Variants in TLN2 observed in about 807,000 individuals in gnomAD.
TLN2 encodes talin 2.
TLN2 carries 118 observed loss-of-function variants against 294.7 expected under a neutral mutation model. The observed-to-expected ratio is 0.40, with a 90% confidence interval of 0.34 to 0.47. The LOEUF (loss-of-function observed/expected upper bound fraction) is 0.47. TLN2 is among the 20% of genes least tolerant of loss of function. The probability of loss-of-function intolerance (pLI) is 0.84; values close to 1 mark genes in which losing one functional copy is unlikely to be tolerated. For missense variants in TLN2, 3,083 were observed against 3,282.2 expected (o/e 0.94, Z 1.48); for synonymous variants, 1,431 against 1,304.5 (o/e 1.10, Z -2.09).
intron 1 of TLN2, among the ~76,000 whole-genome samples, chr15:62,460,570 C>T (rs2036744214): frequency 6.6e-6 from 1 of 152,286 alleles, no homozygotes; most frequent in South Asian, 2.1e-4. Context: ...GCACTAGCCA[C>T]GTGGTCTTGT....
chr15:62,676,676 G>A (rs7174535), intron 11 of TLN2, among the ~76,000 whole-genome samples: 5,023 of 152,184 alleles, frequency 0.033, 275 homozygotes, highest in African/African-American at 0.11. Flanking sequence ...GTGCAGTGGC[G>A]CGATCGTGGC....
At position 62,588,691 on chromosome 15, in the gene TLN2, TATA is replaced by T. The variant is rs1567150806; in HGVS notation, c.-237-995_-237-993del. Among the ~76,000 whole-genome samples the T allele has an allele frequency of 4.0e-4, 53 of 132,598 alleles. 1 individual carries two copies. Among genetic ancestry groups the T allele is most frequent in the African/African-American group, 1.5e-3 (50 of 33,488 alleles). The allele number at this position is 132,598 out of a possible 152,430, so 87.0% of individuals were successfully genotyped here. A position where few individuals can be genotyped will look rare whatever the true frequency, so the allele number is the denominator to read the frequency against. On this transcript the variant is annotated intron_variant, in intron 1 of 58. Transcript: ENST00000636159. ...ATATATATATATATATATATATATATATATATATATATATATGAAATATACATA... is the reference window on the plus strand; with the variant it reads ...ATATATATATATATATATATATATATTATATATATATATGAAATATACATA...
intron 1 of TLN2, among the ~76,000 whole-genome samples, chr15:62,541,861 C>T (rs1259123145): frequency 1.3e-5 from 2 of 151,428 alleles, no homozygotes; most frequent in Non-Finnish European, 2.9e-5. Flanking sequence ...TTGGATGGGC[C>T]CTCGACTATC....
intron 22 of TLN2, among the ~76,000 whole-genome samples, chr15:62,713,845 C>T (rs1369333003): frequency 1.3e-5 from 2 of 149,922 alleles, no homozygotes; most frequent in East Asian, 2.0e-4. Flanking sequence ...TCCCTTGTCT[C>T]CTAATCCCTG....
intron 1 of TLN2, among the ~76,000 whole-genome samples, chr15:62,430,493 A>G (rs1354639176): frequency 6.6e-6 from 1 of 152,190 alleles, no homozygotes; most frequent in East Asian, 1.9e-4. Context: ...AATCTGGATT[A>G]TTTGCGAGGT....
At chr15:62,699,868 A>C (rs2058606279) in intron 16 of TLN2, among the ~76,000 whole-genome samples, 1 of 152,208 alleles carries the variant, frequency 6.6e-6, no homozygotes, top group African/African-American at 2.4e-5. Flanking sequence ...CCTGAGAATC[A>C]GTGGTTTTTA....
chr15:62,600,880 T>C (rs2046941450), intron 2 of TLN2, among the ~76,000 whole-genome samples: 1 of 152,238 alleles, frequency 6.6e-6, no homozygotes, highest in Non-Finnish European at 1.5e-5. Flanking sequence ...CATTATGTTA[T>C]TGTGCCAAAA....
At chr15:62,567,409 G>A (rs2043493939) in intron 1 of TLN2, among the ~76,000 whole-genome samples, 1 of 152,186 alleles carries the variant, frequency 6.6e-6, no homozygotes, top group African/African-American at 2.4e-5. Flanking sequence ...TGCACTGACC[G>A]AAAAATAGTG....
chr15:62,697,708 A>G lies in TLN2; in HGVS notation c.1313A>G (p.Gln438Arg). 1 of 1,600,162 alleles carries G rather than the reference A, an allele frequency of 6.2e-7. No homozygotes were observed. ...SPKKSTILQQ[Q>R]FNRTGKAEHG... ...GGCAGGTCCACCATCTTGCAGCAGC[A>G]GTTCAACCGGACCGGGAAGGCAGAG... The change falls in exon 15 of 59, where the codon CAG becomes CGG. Residue 438 changes from glutamine (Q) to arginine (R), a missense_variant. Physicochemically the swap from Gln to Arg is conservative, Grantham distance 43. Transcript: ENST00000636159.
chr15:62,599,611 C>T (rs2046823353), intron 2 of TLN2, among the ~76,000 whole-genome samples: 1 of 152,172 alleles, frequency 6.6e-6, no homozygotes, highest in African/African-American at 2.4e-5. Flanking sequence ...GTGAAGTTTA[C>T]AAAGCCTTTT....
intron 32 of TLN2, among the ~76,000 whole-genome samples, 166 bp downstream of exon 32, chr15:62,740,935 C>G (rs1449213678): frequency 9.2e-5 from 14 of 152,212 alleles, no homozygotes; most frequent in Admixed American, 9.2e-4. Flanking sequence ...TTTTATAAAA[C>G]TGGCTCATTT....
At position 62,702,870 on chromosome 15, in the gene TLN2, A is replaced by G. The variant is rs911375620; in HGVS notation, c.2004+6A>G. 1.9e-6 allele frequency: 3 copies of G among 1,613,344 alleles called. No individual in the cohort carries two copies. Among genetic ancestry groups the G allele is most frequent in the Non-Finnish European group, 2.5e-6 (3 of 1,179,294 alleles). On this transcript the variant is annotated splice_donor_region_variant and intron_variant, in intron 19 of 58. Coordinates refer to ENST00000636159, the MANE Select transcript of TLN2 (RefSeq NM_015059.3). Reference sequence around the variant, plus strand: ...AGACTGATGAGCGATTCCAGGTAAGATATTTGCAGGCTTATAGTCATGGAA... The same window carrying G: ...AGACTGATGAGCGATTCCAGGTAAGGTATTTGCAGGCTTATAGTCATGGAA...
intron 1 of TLN2, among the ~76,000 whole-genome samples, chr15:62,586,172 G>A (rs1368219352): frequency 6.6e-6 from 1 of 152,208 alleles, no homozygotes; most frequent in Admixed American, 6.5e-5. Context: ...ATGTGGACTT[G>A]TTTCGCACTA....
intron 1 of TLN2, among the ~76,000 whole-genome samples, chr15:62,517,075 A>C (rs1213953046): frequency 6.6e-6 from 1 of 152,222 alleles, no homozygotes; most frequent in Non-Finnish European, 1.5e-5. Flanking sequence ...CGGATGAAAG[A>C]GCTAATAATA....
chr15:62,646,297 G>C (rs2051831915), intron 3 of TLN2, among the ~76,000 whole-genome samples: 1 of 151,902 alleles, frequency 6.6e-6, no homozygotes, highest in Non-Finnish European at 1.5e-5. Flanking sequence ...CGAGTAGCTG[G>C]GATTACAGGT....
intron 1 of TLN2, among the ~76,000 whole-genome samples, chr15:62,549,906 A>G (rs2042202465): frequency 6.6e-6 from 1 of 152,172 alleles, no homozygotes; most frequent in South Asian, 2.1e-4. Context: ...TGGAGTGGAA[A>G]TGCAGATTCC....
chr15:62,563,281 T>C (rs1236646875), intron 1 of TLN2, among the ~76,000 whole-genome samples: 4 of 152,200 alleles, frequency 2.6e-5, no homozygotes, highest in Non-Finnish European at 4.4e-5. Context: ...TTTTTGATTA[T>C]GGCTGTTCTT....
intron 1 of TLN2, among the ~76,000 whole-genome samples, chr15:62,513,412 C>G (rs1567046519): frequency 6.6e-6 from 1 of 152,240 alleles, no homozygotes; most frequent in Non-Finnish European, 1.5e-5. Context: ...GATGCGTTGT[C>G]TCTTCCTAGT....
chr15:62,405,210 GA>G (rs1258028304), intron 1 of TLN2, among the ~76,000 whole-genome samples: 1 of 152,150 alleles, frequency 6.6e-6, no homozygotes, highest in Non-Finnish European at 1.5e-5. Context: ...GTACGCTTCA[GA>G]ATCTCTAGGG....
Sources: gnomAD v4.1 joint callset for allele counts (sites outside exome capture counted in the v4.1 genomes callset) on GRCh38, gnomAD v4.1.1 for gene constraint, MANE v1.5 for transcripts, NCBI Gene and HGNC (gene_info 2026-07-23, HGNC 2026-07-21) for gene names.